The following FAM13A variants were observed in gnomAD, a reference collection of about 807,000 sequenced individuals.
FAM13A encodes protein FAM13A.
In FAM13A, 76 loss-of-function variants were observed where a neutral mutation model predicts 129.6. The ratio of observed to expected loss-of-function variants is 0.59; its 90% confidence interval spans 0.49 to 0.71. FAM13A has a LOEUF of 0.71. FAM13A is among the 30% of genes least tolerant of loss of function. FAM13A has a pLI of 0.00. For synonymous variants in FAM13A, 443 were observed against 449.9 expected (o/e 0.98, Z 0.20); for missense variants, 1,108 against 1,249.3 (o/e 0.89, Z 1.70).
chr4:88,905,964 A>G (rs999903797), intron 6 of FAM13A, among the ~76,000 whole-genome samples: 1 of 152,210 alleles, frequency 6.6e-6, no homozygotes, highest in Non-Finnish European at 1.5e-5. Context: ...AGGAAATGCA[A>G]TCAACAGAAC....
chr4:88,974,470 T>A (rs2609276), intron 4 of FAM13A, among the ~76,000 whole-genome samples: 104,859 of 151,490 alleles, frequency 0.69, 36,390 homozygotes, highest in Middle Eastern at 0.8. Context: ...AGTCACCTGA[T>A]TTATTTTTTA....
chr4:88,748,622 G>A (rs1047462114), intron 17 of FAM13A, among the ~76,000 whole-genome samples: 15 of 151,088 alleles, frequency 9.9e-5, no homozygotes, highest in Non-Finnish European at 2.1e-4. Flanking sequence ...ATTCATCTCT[G>A]TGTCTACTTG....
At chr4:88,903,778 G>T (rs959795970) in intron 6 of FAM13A, among the ~76,000 whole-genome samples, 1 of 152,112 alleles carries the variant, frequency 6.6e-6, no homozygotes, top group East Asian at 1.9e-4. Flanking sequence ...TGACAAACGG[G>T]ATCTAGTTAA....
At chr4:88,832,306 C>G (rs531168190) in intron 7 of FAM13A, among the ~76,000 whole-genome samples, 2 of 152,068 alleles carry the variant, frequency 1.3e-5, no homozygotes, top group Non-Finnish European at 1.5e-5. Context: ...CTTGGCAATA[C>G]CATTCAGGAC....
intron 7 of FAM13A, among the ~76,000 whole-genome samples, chr4:88,806,084 C>T (rs564786540): frequency 2.6e-5 from 4 of 152,036 alleles, no homozygotes; most frequent in Non-Finnish European, 4.4e-5. Context: ...CTCCCCCTTG[C>T]GGTCCACTGG....
chr4:88,951,670 T>C (rs1756974753), intron 4 of FAM13A, among the ~76,000 whole-genome samples: 1 of 152,240 alleles, frequency 6.6e-6, no homozygotes, highest in Non-Finnish European at 1.5e-5. Context: ...TTTTTCCTTC[T>C]TTACTTACTA....
At chr4:88,841,096 A>G (rs997104412) in intron 7 of FAM13A, among the ~76,000 whole-genome samples, 2 of 152,170 alleles carry the variant, frequency 1.3e-5, no homozygotes, top group African/African-American at 2.4e-5. Flanking sequence ...ATGATCTTAC[A>G]TTATGCAACA....
intron 8 of FAM13A, among the ~76,000 whole-genome samples, chr4:88,792,845 C>CTGAT (rs1379532043): frequency 3.9e-5 from 6 of 151,972 alleles, no homozygotes; most frequent in African/African-American, 1.2e-4. Flanking sequence ...AAAGCAGATC[C>CTGAT]TGATGTTTTG....
At chr4:88,959,102 T>C (rs756754634) in intron 4 of FAM13A, among the ~76,000 whole-genome samples, 4 of 152,228 alleles carry the variant, frequency 2.6e-5, no homozygotes, top group South Asian at 2.1e-4. Context: ...AACTTGTTTT[T>C]GATTTTACAA....
intron 5 of FAM13A, among the ~76,000 whole-genome samples, chr4:88,922,134 C>G (rs900408576): frequency 2.0e-5 from 3 of 151,818 alleles, no homozygotes; most frequent in African/African-American, 4.9e-5. Flanking sequence ...CAACATTAGA[C>G]AGATCAATGA....
intron 15 of FAM13A, among the ~76,000 whole-genome samples, chr4:88,750,175 A>G (rs1481499327): frequency 1.3e-5 from 2 of 152,188 alleles, no homozygotes; most frequent in East Asian, 3.9e-4. Context: ...CTGTGGGCCT[A>G]CAAGAGCTGA....
chr4:88,982,271 G>C (rs1201853632), intron 4 of FAM13A, among the ~76,000 whole-genome samples: 1 of 152,226 alleles, frequency 6.6e-6, no homozygotes. Context: ...TGACAACTGA[G>C]GTTAAGAGCA....
At chr4:89,026,544 G>A (rs532223283) in intron 2 of FAM13A, among the ~76,000 whole-genome samples, 59 of 152,326 alleles carry the variant, frequency 3.9e-4, no homozygotes, top group African/African-American at 1.3e-3. Flanking sequence ...CATGGCTGGG[G>A]AGGCCTCAGG....
chr4:89,003,486 C>T (rs571075874), intron 3 of FAM13A, among the ~76,000 whole-genome samples: 1 of 152,070 alleles, frequency 6.6e-6, no homozygotes, highest in East Asian at 1.9e-4. Context: ...TGGTGCACAC[C>T]TGTAATCCCA....
Position 88,823,321 on chromosome 4 carries a change from T to C in FAM13A, c.1008-18269A>G. On this transcript the variant is annotated intron_variant, in intron 7 of 23. Coordinates refer to ENST00000264344, the MANE Select transcript of FAM13A (RefSeq NM_014883.4). ...GCAGCTGCTGCAGCACTAAAGGCGC[T>C]CCTCCTCCTCCCCCGCACCCTACTC... 3.6e-6 allele frequency: 4 copies of C among 1,121,838 alleles called. No homozygotes were observed. In the South Asian group the frequency reaches 9.6e-5, roughly 27 times the overall value. The allele number at this position is 1,121,838 out of a possible 1,614,324, so 69.5% of individuals were successfully genotyped here.
intron 6 of FAM13A, among the ~76,000 whole-genome samples, chr4:88,866,101 G>A (rs954843658): frequency 6.6e-6 from 1 of 151,678 alleles, no homozygotes; most frequent in African/African-American, 2.4e-5. Flanking sequence ...TGGCTGGAGT[G>A]TAATGGCATG....
intron 4 of FAM13A, among the ~76,000 whole-genome samples, chr4:88,946,401 C>CTTTTTTTTT (rs3067813): frequency 3.3e-5 from 3 of 91,712 alleles, no homozygotes; most frequent in African/African-American, 4.4e-5. Context: ...CTCCCGCGTT[C>CTTTTTTTTT]TTTTTTTTTT....
At chr4:88,931,490 C>T (rs189647510) in intron 5 of FAM13A, among the ~76,000 whole-genome samples, 1 of 152,192 alleles carries the variant, frequency 6.6e-6, no homozygotes, top group East Asian at 1.9e-4. Context: ...TGCCTCAAAC[C>T]CTCTCCTTAC....
chr4:88,990,823 C>T (rs1762835793), intron 4 of FAM13A, 150 bp downstream of exon 4: 1 of 530,140 alleles, frequency 1.9e-6, no homozygotes, highest in South Asian at 4.0e-5. Context: ...AAAAACAAGG[C>T]TAACATGCCC....
Sources: gnomAD v4.1 joint callset for allele counts (sites outside exome capture counted in the v4.1 genomes callset) on GRCh38, gnomAD v4.1.1 for gene constraint, MANE v1.5 for transcripts, NCBI Gene and HGNC (gene_info 2026-07-23, HGNC 2026-07-21) for gene names.